The following RAB38 variants were observed in gnomAD, a reference collection of about 807,000 sequenced individuals.
RAB38 encodes RAB38, member RAS oncogene family, also known as ras-related protein Rab-38.
RAB38 carries 15 observed loss-of-function variants against 18.4 expected under a neutral mutation model. The ratio of observed to expected loss-of-function variants is 0.82; its 90% confidence interval spans 0.55 to 1.26. The LOEUF is 1.26. Ranked by LOEUF, RAB38 falls within the 50% of genes most tolerant of loss-of-function variation. RAB38 has a pLI of 0.00. For missense variants in RAB38, 294 were observed against 267.4 expected, an observed-to-expected ratio of 1.10 and a Z score of -0.69; for synonymous variants, 101 against 104.4, an observed-to-expected ratio of 0.97 and a Z score of 0.20.
chr11:87,875,379 C>A, the RAB38 span, among the ~76,000 whole-genome samples: 287 of 151,188 alleles, frequency 1.9e-3, no homozygotes, highest in African/African-American at 6.4e-3. Context: ...TCCAATCAAC[C>A]AAACACCATT....
At chr11:88,081,630 G>A in the RAB38 span, among the ~76,000 whole-genome samples, 1 of 151,756 alleles carries the variant, frequency 6.6e-6, no homozygotes, top group Admixed American at 6.6e-5. Context: ...CCTCTGTGTC[G>A]CTGTGTGTTT....
At chr11:88,118,553 C>T (rs983402789) in intron 2 of RAB38, among the ~76,000 whole-genome samples, 1 of 152,140 alleles carries the variant, frequency 6.6e-6, no homozygotes, top group Non-Finnish European at 1.5e-5. Context: ...AAAAACACTA[C>T]CTGGAAATTT....
At chr11:87,888,668 C>T in the RAB38 span, among the ~76,000 whole-genome samples, 6 of 151,932 alleles carry the variant, frequency 3.9e-5, no homozygotes, top group African/African-American at 1.4e-4. Flanking sequence ...TCCCTGCCTG[C>T]TCCTTCCACA....
chr11:87,922,336 A>G, the RAB38 span, among the ~76,000 whole-genome samples: 3 of 152,056 alleles, frequency 2.0e-5, no homozygotes, highest in Non-Finnish European at 4.4e-5. Context: ...CACATTTATT[A>G]ATTAAAAAAT....
intron 2 of RAB38, among the ~76,000 whole-genome samples, chr11:88,116,222 G>C (rs1467787750): frequency 6.6e-6 from 1 of 152,196 alleles, no homozygotes; most frequent in Non-Finnish European, 1.5e-5. Context: ...CTATGTGACT[G>C]AGTGGAAGCC....
At chr11:88,111,213 A>G (rs1458255362), downstream of RAB38, among the ~76,000 whole-genome samples, 1 of 152,134 alleles carries the variant, frequency 6.6e-6, no homozygotes, top group Admixed American at 6.5e-5. Context: ...CGTCCTTATC[A>G]AGATGTTGCT....
chr11:87,878,368 T>C, the RAB38 span, among the ~76,000 whole-genome samples: 2 of 150,628 alleles, frequency 1.3e-5, no homozygotes, highest in Non-Finnish European at 3.0e-5. Flanking sequence ...CTATCATCTA[T>C]CTATCGAGAG....
the RAB38 span, among the ~76,000 whole-genome samples, chr11:88,061,036 A>G: frequency 6.6e-6 from 1 of 152,314 alleles, no homozygotes; most frequent in East Asian, 1.9e-4. Context: ...GAAATTATTA[A>G]TGAACTGCTG....
intron 1 of RAB38, among the ~76,000 whole-genome samples, chr11:88,155,918 G>A (rs1169884025): frequency 6.6e-6 from 1 of 152,160 alleles, no homozygotes; most frequent in Non-Finnish European, 1.5e-5. Context: ...CCAATCAGAC[G>A]AAACCATTTC....
the RAB38 span, among the ~76,000 whole-genome samples, chr11:87,805,442 A>T: frequency 6.6e-6 from 1 of 152,016 alleles, no homozygotes; most frequent in African/African-American, 2.4e-5. Context: ...CTTAATAGCT[A>T]TCCTTTGTTA....
chr11:88,144,079 T>C (rs1000344862), intron 2 of RAB38, among the ~76,000 whole-genome samples: 6 of 152,254 alleles, frequency 3.9e-5, no homozygotes, highest in Non-Finnish European at 8.8e-5. Context: ...ATGATTCAAA[T>C]AGTTGTACTA....
At chr11:88,035,044 C>G in the RAB38 span, among the ~76,000 whole-genome samples, 5 of 152,172 alleles carry the variant, frequency 3.3e-5, no homozygotes, top group African/African-American at 1.2e-4. Flanking sequence ...GTGGACCTCA[C>G]TAGGTTTTAA....
At chr11:88,124,830 G>A (rs1398470900) in intron 2 of RAB38, among the ~76,000 whole-genome samples, 2 of 152,150 alleles carry the variant, frequency 1.3e-5, no homozygotes, top group Non-Finnish European at 2.9e-5. Flanking sequence ...GAAATATCAT[G>A]TAACTAGATG....
chr11:87,968,106 T>C, the RAB38 span, among the ~76,000 whole-genome samples: 1 of 152,194 alleles, frequency 6.6e-6, no homozygotes, highest in Non-Finnish European at 1.5e-5. Context: ...GGTTTATAAC[T>C]TTAGAAAAAT....
the RAB38 span, among the ~76,000 whole-genome samples, chr11:88,091,039 G>T: frequency 6.6e-6 from 1 of 151,974 alleles, no homozygotes; most frequent in Admixed American, 6.6e-5. Context: ...AATAAAATGG[G>T]TGCTGGAGCA....
chr11:87,890,508 T>C, the RAB38 span, among the ~76,000 whole-genome samples: 5 of 151,918 alleles, frequency 3.3e-5, no homozygotes, highest in Admixed American at 6.6e-5. Flanking sequence ...TCATGTTTCA[T>C]GGACTTCTAT....
the RAB38 span, among the ~76,000 whole-genome samples, chr11:87,890,626 A>C: frequency 2.6e-5 from 4 of 151,710 alleles, no homozygotes; most frequent in East Asian, 7.8e-4. Context: ...CATCTCTCCC[A>C]TAACTGACTT....
the RAB38 span, among the ~76,000 whole-genome samples, chr11:87,888,663 G>A: frequency 6.6e-6 from 1 of 151,894 alleles, no homozygotes. Flanking sequence ...GGACCTCCCT[G>A]CCTGCTCCTT....
At chr11:88,067,932 CACACACATATAT>C in the RAB38 span, among the ~76,000 whole-genome samples, 1 of 146,844 alleles carries the variant, frequency 6.8e-6, no homozygotes, top group Non-Finnish European at 1.5e-5. Flanking sequence ...TATATATACA[CACACACATATAT>C]ATACATATAT....
Sources: allele counts gnomAD v4.1 joint callset (sites outside exome capture counted in the v4.1 genomes callset), GRCh38; gene constraint gnomAD v4.1.1; transcripts MANE v1.5; gene names NCBI Gene and HGNC (gene_info 2026-07-23, HGNC 2026-07-21).